The following SEMA6D variants were observed in gnomAD, a reference collection of about 807,000 sequenced individuals.
SEMA6D encodes the protein semaphorin-6D.
In SEMA6D, 35 loss-of-function variants were observed where a neutral mutation model predicts 106.6. The observed-to-expected ratio is 0.33, with a 90% CI of 0.25 to 0.44. The LOEUF (loss-of-function observed/expected upper bound fraction) is 0.44, where lower values mean the gene tolerates loss of function less well. Among genes scored for constraint, SEMA6D ranks in the 20% least tolerant of loss-of-function variants. The pLI, the probability that SEMA6D is intolerant of heterozygous loss-of-function variation, is 1.00. For synonymous variants in SEMA6D, 499 were observed against 487.7 expected (o/e 1.02, Z -0.31); for missense variants, 1,185 against 1,345.9 (o/e 0.88, Z 1.87).
At chr15:47,267,510 A>G (rs2034374426) in intron 1 of SEMA6D, among the ~76,000 whole-genome samples, 1 of 152,068 alleles carries the variant, frequency 6.6e-6, no homozygotes, top group Non-Finnish European at 1.5e-5. Flanking sequence ...CTCTGAATGT[A>G]TTTTCTGATC....
At chr15:47,720,261 CTTTT>C (rs869122623) in intron 1 of SEMA6D, among the ~76,000 whole-genome samples, 15 of 97,150 alleles carry the variant, frequency 1.5e-4, no homozygotes, top group African/African-American at 4.6e-4. Context: ...AATAACCTTT[CTTTT>C]TTTTTTTTTT....
intron 1 of SEMA6D, among the ~76,000 whole-genome samples, chr15:47,296,336 G>T (rs545356915): frequency 6.6e-6 from 1 of 152,310 alleles, no homozygotes; most frequent in South Asian, 2.1e-4. Context: ...TTTAGAAATA[G>T]CAGTTGCCAC....
intron 3 of SEMA6D, among the ~76,000 whole-genome samples, chr15:47,548,751 A>G (rs1031258003): frequency 2.6e-5 from 4 of 152,194 alleles, no homozygotes; most frequent in Non-Finnish European, 5.9e-5. Flanking sequence ...ACATGTACGT[A>G]TATATACAAA....
chr15:47,759,886 C>G lies in SEMA6D; in HGVS notation c.88C>G (p.Leu30Val), dbSNP rs768268478. The G allele has an allele frequency of 3.7e-6, 6 of 1,612,722 alleles. No individual in the cohort carries two copies. The South Asian group carries it at 6.6e-5, about 18-fold the overall frequency. ...CAGCTTTCCTGAAGATGATGAACCC[C>G]TTAATACTGTCGACTATCACTGTAA... is the stretch of plus-strand genomic sequence containing the variant. Reference protein sequence around the residue: ...AVSFPEDDEPLNTVDYHYSRQ... With the variant: ...AVSFPEDDEPVNTVDYHYSRQ... Residue 30 changes from leucine (L) to valine (V), a missense_variant, in exon 2 of 19, where the codon CTT becomes GTT. By Grantham distance (32) the Leu-to-Val change is conservative. Coordinates refer to ENST00000536845, the MANE Select transcript of SEMA6D (RefSeq NM_001358351.3).
intron 3 of SEMA6D, among the ~76,000 whole-genome samples, chr15:47,480,120 AGTGCT>A (rs780401583): frequency 2.6e-5 from 4 of 151,824 alleles, no homozygotes; most frequent in Non-Finnish European, 5.9e-5. Flanking sequence ...AGTTTCCCAA[AGTGCT>A]AGGATTACAG....
chr15:47,618,032 A>C (rs1408150483), intron 4 of SEMA6D, among the ~76,000 whole-genome samples: 2 of 152,188 alleles, frequency 1.3e-5, no homozygotes, highest in African/African-American at 2.4e-5. Context: ...TCTTGGGAAC[A>C]CAGAAGACAG....
chr15:47,445,203 A>AG (rs1465406686), intron 2 of SEMA6D, among the ~76,000 whole-genome samples: 1 of 151,958 alleles, frequency 6.6e-6, no homozygotes. Flanking sequence ...GGTACAGAAG[A>AG]GGGGGGTGTG....
At chr15:47,692,485 C>T (rs528042686) in intron 4 of SEMA6D, among the ~76,000 whole-genome samples, 1 of 152,070 alleles carries the variant, frequency 6.6e-6, no homozygotes, top group Non-Finnish European at 1.5e-5. Flanking sequence ...TTAAAAAATC[C>T]CTAAGCATGC....
chr15:47,464,238 T>A (rs2042595618), intron 2 of SEMA6D, among the ~76,000 whole-genome samples: 1 of 152,118 alleles, frequency 6.6e-6, no homozygotes, highest in African/African-American at 2.4e-5. Flanking sequence ...TAAACTTTTA[T>A]TGTCAGGCAG....
intron 4 of SEMA6D, among the ~76,000 whole-genome samples, chr15:47,678,959 A>T (rs977605329): frequency 1.7e-4 from 26 of 152,348 alleles, no homozygotes; most frequent in African/African-American, 6.0e-4. Flanking sequence ...GTCTGACTCC[A>T]AATGTCAGCT....
At chr15:47,195,180 A>G (rs1300800840) in intron 1 of SEMA6D, among the ~76,000 whole-genome samples, 1 of 152,150 alleles carries the variant, frequency 6.6e-6, no homozygotes, top group Non-Finnish European at 1.5e-5. Flanking sequence ...GGGACAGTGG[A>G]GAAAAAAAGA....
At chr15:47,434,389 GA>G (rs772636794) in intron 2 of SEMA6D, among the ~76,000 whole-genome samples, 2 of 152,070 alleles carry the variant, frequency 1.3e-5, no homozygotes, top group Non-Finnish European at 2.9e-5. Context: ...AATTGAAGCG[GA>G]GGGAGGAGGA....
At chr15:47,395,997 A>C (rs1438723634) in intron 1 of SEMA6D, among the ~76,000 whole-genome samples, 3 of 152,124 alleles carry the variant, frequency 2.0e-5, no homozygotes, top group African/African-American at 7.2e-5. Context: ...TTGAGGGTGG[A>C]GCTTCATGAT....
intron 3 of SEMA6D, among the ~76,000 whole-genome samples, chr15:47,556,149 T>A (rs1001407362): frequency 1.3e-5 from 2 of 152,182 alleles, no homozygotes; most frequent in Non-Finnish European, 2.9e-5. Flanking sequence ...AATTGATATA[T>A]ACTGTTATAC....
intron 1 of SEMA6D, among the ~76,000 whole-genome samples, chr15:47,726,742 GT>G (rs1596802132): frequency 6.6e-6 from 1 of 152,228 alleles, no homozygotes; most frequent in Non-Finnish European, 1.5e-5. Context: ...TGCTTGGCAT[GT>G]AGTGAGTGCT....
intron 4 of SEMA6D, among the ~76,000 whole-genome samples, chr15:47,620,851 A>G (rs1284102902): frequency 6.6e-6 from 1 of 152,038 alleles, no homozygotes; most frequent in Non-Finnish European, 1.5e-5. Context: ...TGAGGCAGGT[A>G]AGACTCCAAT....
At chr15:47,348,351 G>A (rs1442437510) in intron 1 of SEMA6D, among the ~76,000 whole-genome samples, 3 of 151,990 alleles carry the variant, frequency 2.0e-5, no homozygotes, top group African/African-American at 4.8e-5. Context: ...TTCATCATAG[G>A]GATGGTATAA....
Position 47,761,213 on chromosome 15 carries a change from A to G in SEMA6D, c.338A>G (p.Lys113Arg). Residue 113 changes from lysine to arginine, a missense_variant, in exon 5 of 19, where the codon AAG becomes AGG. Lys to Arg is a conservative substitution (Grantham distance 26, BLOSUM62 2). Around this residue, in one of 3 missense-constraint regions of SEMA6D, gnomAD observed 144 missense variants for 138.6 expected, o/e 1.04. Coordinates refer to ENST00000536845, the MANE Select transcript of SEMA6D (RefSeq NM_001358351.3). ...QDRENCAMKG[K>R]HKDECHNFIK... ...CGAGAAAACTGTGCTATGAAAGGCA[A>G]GCATAAAGTGAGTGAAACAGAAAAA... The G allele has an allele frequency of 6.2e-7, 1 of 1,613,778 alleles. No homozygotes were observed.
chr15:47,543,860 TC>T (rs2045437064), intron 3 of SEMA6D, among the ~76,000 whole-genome samples: 1 of 152,112 alleles, frequency 6.6e-6, no homozygotes, highest in Non-Finnish European at 1.5e-5. Flanking sequence ...AACCCTTTAT[TC>T]TAAACAAGTA....
Sources: allele counts gnomAD v4.1 joint callset (sites outside exome capture counted in the v4.1 genomes callset), GRCh38; gene constraint gnomAD v4.1.1; regional missense constraint gnomAD v4.1.1; transcripts MANE v1.5; gene names NCBI Gene and HGNC (gene_info 2026-07-23, HGNC 2026-07-21).